The following CNGB3 variants were observed in gnomAD, a reference collection of about 807,000 sequenced individuals.
CNGB3 encodes cyclic nucleotide gated channel subunit beta 3.
A neutral mutation model predicts 92.8 loss-of-function variants in CNGB3; 86 were observed. The ratio of observed to expected loss-of-function variants is 0.93; its 90% CI spans 0.78 to 1.11. CNGB3 has a LOEUF of 1.11. Ranked by LOEUF, CNGB3 falls within the 50% of genes least tolerant of loss-of-function variation. The pLI is 0.00. For missense variants in CNGB3, 1,026 were observed against 956.8 expected (o/e 1.07, Z -0.95); for synonymous variants, 333 against 332.7 (o/e 1.00, Z -0.01).
intron 6 of CNGB3, among the ~76,000 whole-genome samples, chr8:86,656,717 G>T (rs1823511464): frequency 6.6e-6 from 1 of 151,990 alleles, no homozygotes; most frequent in Admixed American, 6.5e-5. Context: ...TCTTCTTTCT[G>T]CTCCCACCCC....
chr8:86,618,306 C>T (rs1822655543), intron 13 of CNGB3, among the ~76,000 whole-genome samples: 1 of 152,074 alleles, frequency 6.6e-6, no homozygotes, highest in African/African-American at 2.4e-5. Flanking sequence ...GGGTGGGGAC[C>T]CCTGATCTAA....
At chr8:86,637,216 A>T (rs965437379) in intron 10 of CNGB3, among the ~76,000 whole-genome samples, 8 of 152,134 alleles carry the variant, frequency 5.3e-5, no homozygotes, top group African/African-American at 1.9e-4. Context: ...TATTGGAGAG[A>T]CTATCTTTCC....
In CNGB3 at chr8:86,575,919, C is replaced by T. The variant is rs1224424417; in HGVS notation, c.2315G>A (p.Arg772Lys). 3 of 1,613,686 alleles carry T rather than the reference C, an allele frequency of 1.9e-6. No homozygotes were observed. The highest frequency in any genetic ancestry group is 1.6e-4 in the Middle Eastern group (1 of 6,082). Residue 772 changes from arginine to lysine, a missense_variant, in exon 18 of 18, where the codon AGG becomes AAG. Transcript: ENST00000320005. ...AVEEEPHSVR[R>K]TVLPRGTSRQ... Reference sequence around the variant, plus strand: ...AGAAGTCCCTCTGGGTAAAACTGTCCTTCTAACTGAGTGGGGTTCTTCCTC... The same window carrying T: ...AGAAGTCCCTCTGGGTAAAACTGTCTTTCTAACTGAGTGGGGTTCTTCCTC...
At chr8:86,675,638 T>A (rs931333290) in intron 3 of CNGB3, among the ~76,000 whole-genome samples, 2 of 151,262 alleles carry the variant, frequency 1.3e-5, no homozygotes, top group African/African-American at 4.9e-5. Flanking sequence ...GGTCTTTAAG[T>A]AGGAGCTCCT....
At chr8:86,700,512 C>T (rs750816544) in intron 3 of CNGB3, among the ~76,000 whole-genome samples, 7 of 152,104 alleles carry the variant, frequency 4.6e-5, no homozygotes, top group East Asian at 1.9e-4. Flanking sequence ...TTACAATTAA[C>T]GAGATTAAAT....
At chr8:86,629,894 G>A (rs1020264266) in intron 11 of CNGB3, among the ~76,000 whole-genome samples, 1 of 152,102 alleles carries the variant, frequency 6.6e-6, no homozygotes, top group Non-Finnish European at 1.5e-5. Flanking sequence ...GCAAGTGGCT[G>A]TAAATATGCT....
intron 3 of CNGB3, among the ~76,000 whole-genome samples, chr8:86,695,573 T>G (rs1192001327): frequency 6.6e-6 from 1 of 152,172 alleles, no homozygotes; most frequent in African/African-American, 2.4e-5. Context: ...TCCTCCTTTT[T>G]GTTTTTAATT....
At chr8:86,739,578 A>G in intron 2 of CNGB3, 77 bp downstream of exon 2, 4 of 1,582,698 alleles carry the variant, frequency 2.5e-6, no homozygotes, top group Non-Finnish European at 2.6e-6. Flanking sequence ...CAAATATTTC[A>G]TCAGACAGCA....
chr8:86,689,544 T>TTTTTTA (rs200209545), intron 3 of CNGB3, among the ~76,000 whole-genome samples: 4 of 150,756 alleles, frequency 2.7e-5, no homozygotes, highest in South Asian at 2.1e-4. Context: ...ATTTCTTTAT[T>TTTTTTA]TTTTTATTTT....
intron 3 of CNGB3, among the ~76,000 whole-genome samples, chr8:86,689,528 T>C (rs1304056706): frequency 6.6e-6 from 1 of 150,732 alleles, no homozygotes; most frequent in South Asian, 2.1e-4. Context: ...ACTTTTTATT[T>C]TTATTATTTC....
intron 2 of CNGB3, among the ~76,000 whole-genome samples, chr8:86,737,654 C>A (rs1031679951): frequency 4.6e-5 from 7 of 151,958 alleles, no homozygotes; most frequent in Non-Finnish European, 8.8e-5. Context: ...TTTTGTGTCA[C>A]GGGGGTTTGG....
At chr8:86,727,478 G>A (rs375393039) in intron 2 of CNGB3, among the ~76,000 whole-genome samples, 11 of 152,054 alleles carry the variant, frequency 7.2e-5, no homozygotes, top group African/African-American at 2.4e-4. Context: ...ATTTTCTGAC[G>A]AAATGATACA....
In CNGB3 at chr8:86,647,975, C is replaced by A. The variant is rs1391243447; in HGVS notation, c.904-88G>T. 6 of 836,292 alleles carry A rather than the reference C, an allele frequency of 7.2e-6. No individual in the cohort carries two copies. In the East Asian group the frequency reaches 1.5e-4, roughly 20 times the overall value. The allele number at this position is 836,292 out of a possible 1,614,324, so 51.8% of individuals were successfully genotyped here. ...TTACGCTGATGTCTGTAAAAGTTGACCAATCACAATATATTATTTGTTGTT... is the reference window on the plus strand; with the variant it reads ...TTACGCTGATGTCTGTAAAAGTTGAACAATCACAATATATTATTTGTTGTT... On this transcript the variant is annotated intron_variant, in intron 7 of 17. Coordinates refer to ENST00000320005, the MANE Select transcript of CNGB3 (RefSeq NM_019098.5).
At chr8:86,581,583 C>G (rs533317390) in intron 15 of CNGB3, among the ~76,000 whole-genome samples, 1 of 152,278 alleles carries the variant, frequency 6.6e-6, no homozygotes, top group South Asian at 2.1e-4. Flanking sequence ...GAGGGAAGAA[C>G]ATTTTTCCCA....
At chr8:86,589,015 A>C (rs982690124) in intron 15 of CNGB3, among the ~76,000 whole-genome samples, 41 of 152,202 alleles carry the variant, frequency 2.7e-4, no homozygotes, top group African/African-American at 8.4e-4. Context: ...ACAATTTCAG[A>C]TCCTGTTATT....
chr8:86,681,955 G>A (rs1205607636), intron 3 of CNGB3, among the ~76,000 whole-genome samples: 2 of 152,156 alleles, frequency 1.3e-5, no homozygotes, highest in Admixed American at 6.6e-5. Context: ...TTCCATTTTT[G>A]TGTCAGCTAT....
chr8:86,698,009 T>A (rs1586023814), intron 3 of CNGB3, among the ~76,000 whole-genome samples: 2 of 152,300 alleles, frequency 1.3e-5, no homozygotes, highest in Admixed American at 1.3e-4. Flanking sequence ...CCATGGTGTA[T>A]ACGTGCCACG....
At chr8:86,588,607 T>A (rs74505963) in intron 15 of CNGB3, among the ~76,000 whole-genome samples, 13,246 of 151,120 alleles carry the variant, frequency 0.088, 683 homozygotes, top group Non-Finnish European at 0.11. Context: ...ATGCGGTTTT[T>A]GTCTTTGGCT....
intron 2 of CNGB3, among the ~76,000 whole-genome samples, chr8:86,736,723 G>A (rs139032104): frequency 0.015 from 2,224 of 151,922 alleles, 23 homozygotes; most frequent in Non-Finnish European, 0.024. Context: ...CAAATTTGAA[G>A]ATGGAATAAT....
Sources: gnomAD v4.1 joint callset for allele counts (sites outside exome capture counted in the v4.1 genomes callset) on GRCh38, gnomAD v4.1.1 for gene constraint, MANE v1.5 for transcripts, NCBI Gene and HGNC (gene_info 2026-07-23, HGNC 2026-07-21) for gene names.